Variants in KCNMA1 observed in about 807,000 individuals in gnomAD.
KCNMA1 encodes the protein Calcium-activated potassium channel subunit alpha-1.
In KCNMA1, 29 loss-of-function variants were observed where a neutral mutation model predicts 140.0. That is an observed-to-expected ratio of 0.21 (90% confidence interval 0.15 to 0.28). The LOEUF is 0.28. KCNMA1 is among the 10% of genes least tolerant of loss of function. The pLI is 1.00. For synonymous variants in KCNMA1, 612 were observed against 611.9 expected, an observed-to-expected ratio of 1.00 and a Z score of 0.00; for missense variants, 880 against 1,602.2, an observed-to-expected ratio of 0.55 and a Z score of 7.70.
intron 5 of KCNMA1, among the ~76,000 whole-genome samples, chr10:77,129,329 CTTTTA>C (rs2097803235): frequency 6.6e-6 from 1 of 152,102 alleles, no homozygotes; most frequent in Admixed American, 6.5e-5. Flanking sequence ...TTTAGAGTAT[CTTTTA>C]TTTTCTTTTT....
At chr10:77,278,018 AT>A (rs2067173281) in intron 2 of KCNMA1, among the ~76,000 whole-genome samples, 1 of 152,240 alleles carries the variant, frequency 6.6e-6, no homozygotes, top group South Asian at 2.1e-4. Context: ...AAAAATGAGC[AT>A]GCTGAGTTTC....
intron 3 of KCNMA1, among the ~76,000 whole-genome samples, chr10:77,242,898 C>CCACACACA: frequency 1.5e-5 from 1 of 64,758 alleles, no homozygotes; most frequent in Non-Finnish European, 2.9e-5. Flanking sequence ...TAATTGTTTC[C>CCACACACA]TACACACACA....
intron 5 of KCNMA1, among the ~76,000 whole-genome samples, chr10:77,132,738 T>C (rs1372838034): frequency 6.6e-6 from 1 of 152,214 alleles, no homozygotes; most frequent in African/African-American, 2.4e-5. Flanking sequence ...GTCACAATTC[T>C]CCTGGCTTCA....
intron 20 of KCNMA1, among the ~76,000 whole-genome samples, chr10:76,956,816 G>A (rs988651054): frequency 1.3e-5 from 2 of 152,122 alleles, no homozygotes; most frequent in Admixed American, 6.5e-5. Flanking sequence ...CATTAAGGAA[G>A]GTTTTGCAAA....
chr10:77,086,488 C>T lies in KCNMA1; in HGVS notation c.1440G>A (p.Lys480=). 6.2e-7 allele frequency: 1 copy of T among 1,606,662 alleles called. No homozygotes were observed. Among genetic ancestry groups the T allele is most frequent in the Non-Finnish European group, 8.5e-7 (1 of 1,173,132 alleles). ...GCAGAAGTCACCTCTTCCTCCTTAC[C>T]TTGACTCTTGCAAGATCATGTGGAT... ...VLNPHDLARV[K]IESADACLIL... is the part of the protein sequence containing the mutation. The change falls in exon 11 of 28, where the codon AAG becomes AAA. Residue 480 remains lysine, a splice_region_variant and synonymous_variant. Coordinates refer to ENST00000286628, the MANE Select transcript of KCNMA1 (RefSeq NM_001161352.2).
intron 1 of KCNMA1, among the ~76,000 whole-genome samples, chr10:77,418,667 C>T (rs1308735665): frequency 1.3e-5 from 2 of 152,180 alleles, no homozygotes; most frequent in African/African-American, 4.8e-5. Flanking sequence ...GAAAAAGAGC[C>T]AAGAGGAAGC....
intron 1 of KCNMA1, among the ~76,000 whole-genome samples, chr10:77,603,711 C>A (rs556890375): frequency 1.3e-5 from 2 of 152,148 alleles, no homozygotes; most frequent in East Asian, 1.9e-4. Flanking sequence ...ACAGCCCACA[C>A]CCCACAACCC....
chr10:76,974,119 A>G (rs2163799), intron 19 of KCNMA1: 51,366 of 173,102 alleles, frequency 0.3, 8,058 homozygotes, highest in East Asian at 0.48. Flanking sequence ...TTATGTTATT[A>G]ATCACCACAT....
At chr10:77,580,563 G>C (rs2075585384) in intron 1 of KCNMA1, among the ~76,000 whole-genome samples, 1 of 152,150 alleles carries the variant, frequency 6.6e-6, no homozygotes, top group African/African-American at 2.4e-5. Flanking sequence ...GAAATGCAGG[G>C]CAGGGTCAGC....
Position 76,885,982 on chromosome 10 carries a change from A to G in KCNMA1, c.*1284T>C, listed in dbSNP as rs200045921. 1,219 of 985,376 alleles carry G rather than the reference A, an allele frequency of 1.2e-3. No individual in the cohort carries two copies. Among genetic ancestry groups the G allele is most frequent in the Non-Finnish European group, 1.4e-3 (1,153 of 829,954 alleles). 61.0% of individuals were successfully genotyped at this position (985,376 alleles called of 1,614,324 possible). The stretch of plus-strand genomic sequence containing the variant: ...ACCCTGCCTAAATTGGCTACATTAA[A>G]GAAAGTGATGATGAGGAATTCCTTC... On this transcript the variant is annotated 3_prime_UTR_variant, in exon 28 of 28. Transcript: ENST00000286628.
intron 29 of KCNMA1, chr10:76,877,946 G>C: frequency 6.5e-7 from 1 of 1,540,584 alleles, no homozygotes; most frequent in African/African-American, 1.4e-5. Flanking sequence ...AGTTTAATTA[G>C]TCCTAGGGTA....
chr10:77,546,570 A>G (rs2061505078), intron 1 of KCNMA1, among the ~76,000 whole-genome samples: 5 of 152,186 alleles, frequency 3.3e-5, no homozygotes, highest in Admixed American at 3.3e-4. Context: ...AATTTCACAC[A>G]AGGTTATCCC....
intron 21 of KCNMA1, 74 bp from the exon 22 acceptor site, chr10:76,949,440 T>C: frequency 2.4e-6 from 3 of 1,248,654 alleles, no homozygotes; most frequent in South Asian, 1.3e-5. Flanking sequence ...AAATAAATCA[T>C]TTGTGCAAAG....
At chr10:77,163,795 T>C (rs2098600187) in intron 5 of KCNMA1, among the ~76,000 whole-genome samples, 1 of 152,190 alleles carries the variant, frequency 6.6e-6, no homozygotes. Context: ...TCCTTCCTTT[T>C]TCTGCCCTGA....
intron 1 of KCNMA1, among the ~76,000 whole-genome samples, chr10:77,450,964 C>T (rs2097643809): frequency 6.6e-6 from 1 of 152,164 alleles, no homozygotes; most frequent in South Asian, 2.1e-4. Flanking sequence ...GGGAGTTCCC[C>T]TGCACATGCC....
At position 77,368,749 on chromosome 10, in the gene KCNMA1, A is replaced by G. The variant is rs1187994603; in HGVS notation, c.540+35113T>C. Among the ~76,000 whole-genome samples, 3 of 152,094 alleles carry G rather than the reference A, an allele frequency of 2.0e-5. No individual in the cohort carries two copies. In the East Asian group the frequency reaches 5.8e-4, roughly 29 times the overall value. ...TGAGCTTTTTGTTTTGTTTTGTTTC[A>G]TTTGCCCTTGGATGTCCAATTGTTC... On this transcript the variant is annotated intron_variant, in intron 2 of 27. Coordinates refer to ENST00000286628, the MANE Select transcript of KCNMA1 (RefSeq NM_001161352.2).
intron 1 of KCNMA1, among the ~76,000 whole-genome samples, chr10:77,440,606 G>A (rs941118470): frequency 1.6e-4 from 25 of 152,142 alleles, no homozygotes; most frequent in Non-Finnish European, 3.7e-4. Context: ...TGCTGCCAGG[G>A]AGAACATGAT....
chr10:77,283,563 C>G (rs2069503923), intron 2 of KCNMA1, among the ~76,000 whole-genome samples: 2 of 152,308 alleles, frequency 1.3e-5, no homozygotes, highest in Admixed American at 6.5e-5. Flanking sequence ...TGTTGACACC[C>G]CTATGGCTCA....
At position 76,953,978 on chromosome 10, in the gene KCNMA1, G is replaced by A. The variant is rs977555570; in HGVS notation, c.2361-54C>T. 4.7e-5 allele frequency: 74 copies of A among 1,588,618 alleles called. 2 individuals carry two copies. The South Asian group carries it at 8.3e-4, about 18-fold the overall frequency. On this transcript the variant is annotated intron_variant, in intron 20 of 27. Transcript: ENST00000286628. ...GTGGAAAATGTGATAAATTATAAAT[G>A]GAAAGTGCCCCCTGAATTACATCTC...
Sources: gnomAD v4.1 joint callset for allele counts (sites outside exome capture counted in the v4.1 genomes callset) on GRCh38, gnomAD v4.1.1 for gene constraint, MANE v1.5 for transcripts, NCBI Gene and HGNC (gene_info 2026-07-23, HGNC 2026-07-21) for gene names.